The following TCF7L2 variants were observed in gnomAD, a reference collection of about 807,000 sequenced individuals.
TCF7L2 encodes transcription factor 7 like 2, also known as transcription factor 7-like 2.
TCF7L2 carries 23 observed loss-of-function variants against 77.9 expected under a neutral mutation model. The ratio of observed to expected loss-of-function variants is 0.30; its 90% CI spans 0.21 to 0.42. TCF7L2 has a LOEUF of 0.42. TCF7L2 is among the 10% of genes least tolerant of loss of function. The probability of loss-of-function intolerance (pLI) is 1.00; values close to 1 mark genes in which losing one functional copy is unlikely to be tolerated. For missense variants in TCF7L2, 654 were observed against 793.1 expected (o/e 0.82, Z 2.11); for synonymous variants, 413 against 340.2 (o/e 1.21, Z -2.36).
chr10:112,950,702 C>A lies in TCF7L2; in HGVS notation c.-55C>A. Reference sequence around the variant, plus strand: ...ACTTTTTGGGGGTGATTTTTTTTGGCTTTTCTTCCTCCTTCATTTTTCTTC... The same window carrying A: ...ACTTTTTGGGGGTGATTTTTTTTGGATTTTCTTCCTCCTTCATTTTTCTTC... On this transcript the variant is annotated 5_prime_UTR_variant, in exon 1 of 14. Transcript: ENST00000627217. 1 of 1,513,476 alleles carries A rather than the reference C, an allele frequency of 6.6e-7. No homozygotes were observed. Among genetic ancestry groups the A allele is most frequent in the Non-Finnish European group, 8.8e-7 (1 of 1,134,990 alleles). The allele number at this position is 1,513,476 out of a possible 1,614,324, so 93.8% of individuals were successfully genotyped here. A position where few individuals can be genotyped will look rare whatever the true frequency, so the allele number is the denominator to read the frequency against.
intron 4 of TCF7L2, among the ~76,000 whole-genome samples, chr10:113,017,743 G>T (rs2047590713): frequency 6.6e-6 from 1 of 152,162 alleles, no homozygotes; most frequent in Admixed American, 6.5e-5. Context: ...TCCTGTCCCA[G>T]TCACCTTATT....
chr10:112,964,808 G>GTGATGGTGGTGGTGGTGGTGA (rs1491120129), intron 4 of TCF7L2, among the ~76,000 whole-genome samples, 184 bp downstream of exon 4: 2 of 117,056 alleles, frequency 1.7e-5, no homozygotes, highest in South Asian at 2.8e-4. Context: ...GGTGGTGGTG[G>GTGATGGTGGTGGTGGTGGTGA]TGGTGGGGGG....
At chr10:112,993,214 C>A (rs1466248616) in intron 4 of TCF7L2, among the ~76,000 whole-genome samples, 1 of 152,152 alleles carries the variant, frequency 6.6e-6, no homozygotes, top group African/African-American at 2.4e-5. Flanking sequence ...TCTTTATTAA[C>A]ACACATGTGA....
At chr10:113,061,046 A>T (rs2056359743) in intron 5 of TCF7L2, among the ~76,000 whole-genome samples, 1 of 152,208 alleles carries the variant, frequency 6.6e-6, no homozygotes, top group African/African-American at 2.4e-5. Flanking sequence ...ATCCACGATC[A>T]AACTTGATGT....
chr10:113,160,542 T>C, intron 12 of TCF7L2: 1 of 1,330,296 alleles, frequency 7.5e-7, no homozygotes, highest in Non-Finnish European at 1.0e-6. Context: ...AAAAGGAAGC[T>C]GTAGCTGAGA....
intron 4 of TCF7L2, among the ~76,000 whole-genome samples, chr10:112,977,729 C>T (rs562141207): frequency 9.9e-5 from 15 of 152,210 alleles, no homozygotes; most frequent in African/African-American, 3.6e-4. Context: ...TGTTGGTGAA[C>T]ATTAGTCAAA....
In TCF7L2 at chr10:113,097,680, A is replaced by G. The variant is rs936259456; in HGVS notation, c.553-43504A>G. 5.0e-5 allele frequency among the ~76,000 whole-genome samples: 7 copies of G among 141,222 alleles called. No homozygotes were observed. The East Asian group carries it at 1.0e-3, about 21-fold the overall frequency. The allele number at this position is 141,222 out of a possible 152,430, so 92.6% of individuals were successfully genotyped here. Reference sequence around the variant, plus strand: ...AAAAAAAAAAAAAAAAAAAACAACCATGAGAAAGATATATGGAGGTGAGAG... The same window carrying G: ...AAAAAAAAAAAAAAAAAAAACAACCGTGAGAAAGATATATGGAGGTGAGAG... On this transcript the variant is annotated intron_variant, in intron 5 of 13. Transcript: ENST00000627217.
intron 5 of TCF7L2, among the ~76,000 whole-genome samples, chr10:113,114,186 AT>A (rs1198521880): frequency 6.6e-6 from 1 of 152,210 alleles, no homozygotes; most frequent in Admixed American, 6.5e-5. Context: ...AGAAATGCTT[AT>A]CAGTAGGTTG....
At chr10:113,159,888 C>G in intron 12 of TCF7L2, 32 bp from the exon 14 acceptor site, 1 of 1,286,580 alleles carries the variant, frequency 7.8e-7, no homozygotes, top group East Asian at 4.1e-5. Flanking sequence ...ACGTTCTCCT[C>G]CTCTGCTCGC....
intron 5 of TCF7L2, among the ~76,000 whole-genome samples, chr10:113,107,118 C>T (rs375705982): frequency 3.9e-5 from 6 of 152,288 alleles, no homozygotes; most frequent in African/African-American, 1.4e-4. Context: ...ACTTGCAGCC[C>T]ATCATGGGAG....
intron 5 of TCF7L2, among the ~76,000 whole-genome samples, chr10:113,100,272 T>G (rs2061491938): frequency 6.6e-6 from 1 of 152,188 alleles, no homozygotes; most frequent in Admixed American, 6.5e-5. Flanking sequence ...CTTTTCAGCA[T>G]CCCCACTGAA....
chr10:112,960,113 T>C (rs907206509), intron 3 of TCF7L2, among the ~76,000 whole-genome samples: 1 of 152,204 alleles, frequency 6.6e-6, no homozygotes, highest in Non-Finnish European at 1.5e-5. Flanking sequence ...TGTTAGAAGT[T>C]AGCTTAGTGC....
At chr10:113,090,288 G>C (rs12267249) in intron 5 of TCF7L2, among the ~76,000 whole-genome samples, 1 of 152,136 alleles carries the variant, frequency 6.6e-6, no homozygotes, top group African/African-American at 2.4e-5. Flanking sequence ...TTTAGTACTA[G>C]TGTTAGCTTT....
At chr10:113,024,487 C>G (rs1435492774) in intron 4 of TCF7L2, among the ~76,000 whole-genome samples, 1 of 152,008 alleles carries the variant, frequency 6.6e-6, no homozygotes, top group Non-Finnish European at 1.5e-5. Context: ...ATCCAAAATG[C>G]TTGGGGCTGA....
intron 5 of TCF7L2, among the ~76,000 whole-genome samples, chr10:113,113,717 A>G (rs2136142219): frequency 6.6e-6 from 1 of 152,288 alleles, no homozygotes; most frequent in African/African-American, 2.4e-5. Context: ...CTCACCATCT[A>G]ATTTGTTTCC....
chr10:113,082,264 A>G (rs2059385628), intron 5 of TCF7L2, among the ~76,000 whole-genome samples: 1 of 152,048 alleles, frequency 6.6e-6, no homozygotes, highest in Non-Finnish European at 1.5e-5. Context: ...TAGTGTCAAT[A>G]CAGTTAAAAA....
chr10:113,034,809 T>C (rs2050861712), intron 4 of TCF7L2, among the ~76,000 whole-genome samples: 2 of 152,122 alleles, frequency 1.3e-5, no homozygotes, highest in African/African-American at 4.8e-5. Flanking sequence ...GGCAGGAGAA[T>C]CACTTGAAGC....
chr10:112,988,668 G>C (rs968360744), intron 4 of TCF7L2, among the ~76,000 whole-genome samples: 2 of 152,126 alleles, frequency 1.3e-5, no homozygotes, highest in African/African-American at 2.4e-5. Flanking sequence ...AATGGGGCTG[G>C]CATTATTCCG....
At chr10:113,121,132 G>A (rs990369956) in intron 5 of TCF7L2, among the ~76,000 whole-genome samples, 2 of 152,164 alleles carry the variant, frequency 1.3e-5, no homozygotes, top group African/African-American at 2.4e-5. Context: ...CTTAGAGGAA[G>A]GGTAATATGA....
Sources: gnomAD v4.1 joint callset for allele counts (sites outside exome capture counted in the v4.1 genomes callset) on GRCh38, gnomAD v4.1.1 for gene constraint, MANE v1.5 for transcripts, NCBI Gene and HGNC (gene_info 2026-07-23, HGNC 2026-07-21) for gene names.